CDC14A: variants seen among roughly 807,000 people sequenced by gnomAD.
The protein encoded by CDC14A is cell division cycle 14A.
CDC14A carries 53 observed loss-of-function variants against 74.4 expected under a neutral mutation model. That is an observed-to-expected ratio of 0.71 (90% CI 0.57 to 0.89). The LOEUF (loss-of-function observed/expected upper bound fraction) is 0.89. Among genes scored for constraint, CDC14A ranks in the 40% least tolerant of loss-of-function variants. CDC14A has a pLI of 0.00. For synonymous variants in CDC14A, 247 were observed against 258.4 expected (o/e 0.96, Z 0.43); for missense variants, 646 against 713.7 (o/e 0.91, Z 1.08).
chr1:100,372,244 G>C (rs144819390), intron 2 of CDC14A, among the ~76,000 whole-genome samples: 8 of 152,318 alleles, frequency 5.3e-5, no homozygotes, highest in Admixed American at 1.3e-4. Context: ...GACTGATCAG[G>C]GTGGTGGTTG....
chr1:100,353,498 C>A (rs1435569198), intron 1 of CDC14A, among the ~76,000 whole-genome samples: 1 of 152,182 alleles, frequency 6.6e-6, no homozygotes, highest in Non-Finnish European at 1.5e-5. Context: ...TCTGCGGGTA[C>A]CCCCAGCTCC....
intron 5 of CDC14A, among the ~76,000 whole-genome samples, chr1:100,426,216 G>A (rs1662941689): frequency 6.6e-6 from 1 of 152,128 alleles, no homozygotes; most frequent in African/African-American, 2.4e-5. Context: ...GGGTTCAAGA[G>A]AATCTCCTGC....
intron 5 of CDC14A, among the ~76,000 whole-genome samples, chr1:100,439,431 T>G (rs1412226576): frequency 2.0e-5 from 3 of 152,222 alleles, no homozygotes; most frequent in Non-Finnish European, 4.4e-5. Flanking sequence ...CCTCTTGCAA[T>G]GATGAATGTT....
chr1:100,411,106 A>T (rs1409041961), intron 4 of CDC14A, among the ~76,000 whole-genome samples: 1 of 152,078 alleles, frequency 6.6e-6, no homozygotes, highest in Non-Finnish European at 1.5e-5. Context: ...TCCACTCCCC[A>T]TCCTCACCAT....
chr1:100,436,042 G>T (rs1664293317), intron 5 of CDC14A, among the ~76,000 whole-genome samples: 1 of 152,084 alleles, frequency 6.6e-6, no homozygotes, highest in South Asian at 2.1e-4. Flanking sequence ...GGTGTTGTAT[G>T]GTGGTAAAAC....
chr1:100,467,465 T>C (rs1428655298), intron 9 of CDC14A, among the ~76,000 whole-genome samples: 9 of 152,142 alleles, frequency 5.9e-5, no homozygotes, highest in African/African-American at 2.2e-4. Flanking sequence ...TAACTAAATG[T>C]TTTCATGGAT....
rs372792159 is a variant in CDC14A, at chr1:100,506,982, C to T, written c.1755+7720C>T. Among the ~76,000 whole-genome samples the T allele has an allele frequency of 4.1e-4, 62 of 152,250 alleles. No individual in the cohort carries two copies. In the South Asian group the frequency reaches 0.013, roughly 32 times the overall value. ...CTTGAGGTCAGGAGTTTGAGACCAG[C>T]CTAGGCAATACAGAGAGAACCCGTA... On this transcript the variant is annotated intron_variant, in intron 15 of 15. Transcript: ENST00000336454.
chr1:100,468,171 CA>C, intron 10 of CDC14A, 77 bp downstream of exon 10: 2 of 1,522,812 alleles, frequency 1.3e-6, no homozygotes, highest in Non-Finnish European at 1.8e-6. Flanking sequence ...GGTTGTGGAC[CA>C]TGTCAGCCTG....
chr1:100,389,180 C>CAA (rs1196346245), intron 3 of CDC14A, among the ~76,000 whole-genome samples: 11 of 52,100 alleles, frequency 2.1e-4, no homozygotes, highest in Non-Finnish European at 3.7e-4. Flanking sequence ...GACCCTGTCT[C>CAA]AAAAAAAAAA....
At position 100,461,924 on chromosome 1, in the gene CDC14A, A is replaced by AT. The variant is rs368172629; in HGVS notation, c.608-721dup. ...TTACTTAAGTATTCACATATTTATCATTTTTTGTGGTGAGAAGACTTAAAT... is the reference window on the plus strand; with the variant it reads ...TTACTTAAGTATTCACATATTTATCATTTTTTTGTGGTGAGAAGACTTAAAT... On this transcript the variant is annotated intron_variant, in intron 8 of 15. Transcript: ENST00000336454. Among the ~76,000 whole-genome samples, 879 of 152,314 alleles carry AT rather than the reference A, an allele frequency of 5.8e-3. 10 individuals carry two copies. Among genetic ancestry groups the AT allele is most frequent in the African/African-American group, 0.02 (842 of 41,572 alleles).
At chr1:100,353,602 C>G (rs1202651691) in intron 1 of CDC14A, among the ~76,000 whole-genome samples, 160 bp from the exon 2 acceptor site, 1 of 152,192 alleles carries the variant, frequency 6.6e-6, no homozygotes, top group Non-Finnish European at 1.5e-5. Flanking sequence ...AACTGTTGTG[C>G]TCTTGAGTCT....
At chr1:100,470,591 T>A (rs1367907540) in intron 10 of CDC14A, among the ~76,000 whole-genome samples, 1 of 152,164 alleles carries the variant, frequency 6.6e-6, no homozygotes, top group Non-Finnish European at 1.5e-5. Context: ...AAAAGACTTG[T>A]ACACATATAT....
chr1:100,379,569 A>G (rs1201244569), intron 3 of CDC14A, among the ~76,000 whole-genome samples: 1 of 152,234 alleles, frequency 6.6e-6, no homozygotes, highest in Non-Finnish European at 1.5e-5. Context: ...GTTTTGTGGA[A>G]TCTTAGTTTC....
intron 4 of CDC14A, among the ~76,000 whole-genome samples, chr1:100,411,718 C>T (rs1660740287): frequency 6.6e-6 from 1 of 152,282 alleles, no homozygotes; most frequent in South Asian, 2.1e-4. Context: ...AACAAACAGT[C>T]ATTGAGCACC....
chr1:100,475,676 G>A (rs1178834880), intron 10 of CDC14A, among the ~76,000 whole-genome samples: 1 of 152,076 alleles, frequency 6.6e-6, no homozygotes, highest in Non-Finnish European at 1.5e-5. Flanking sequence ...GGGTGGAGGT[G>A]GGAGTTCTAG....
intron 4 of CDC14A, among the ~76,000 whole-genome samples, chr1:100,411,690 T>C (rs1660736879): frequency 6.6e-6 from 1 of 152,240 alleles, no homozygotes; most frequent in Non-Finnish European, 1.5e-5. Flanking sequence ...TGTGATTCAT[T>C]TGTTCATTCT....
chr1:100,468,942 AGAGACGGGGGCCTCACT>A, intron 10 of CDC14A, among the ~76,000 whole-genome samples: 2 of 150,964 alleles, frequency 1.3e-5, no homozygotes, highest in Non-Finnish European at 3.0e-5. Flanking sequence ...TATTTTTTGT[AGAGACGGGGGCCTCACT>A]ATGTTGCCCA....
chr1:100,351,255 G>A (rs1650955628), upstream of CDC14A, among the ~76,000 whole-genome samples: 1 of 151,746 alleles, frequency 6.6e-6, no homozygotes, highest in African/African-American at 2.4e-5. Flanking sequence ...GCCCTCGAAG[G>A]GCTGGTTCCC....
Position 100,484,323 on chromosome 1 carries a change from AT to A in CDC14A, c.1013del (p.Phe338SerfsTer5). On this transcript the variant is annotated frameshift_variant, in exon 11 of 16. Transcript: ENST00000336454. LOFTEE classifies it high-confidence loss of function. ...KQASLWVQGD[I>X]FRSKLKNRPS... Reference sequence around the variant, plus strand: ...AGCATCGTTGTGGGTCCAAGGAGACATTTTCCGATCCAAACTGAAAAATCGA... The same window carrying A: ...AGCATCGTTGTGGGTCCAAGGAGACATTTCCGATCCAAACTGAAAAATCGA... 1 of 1,598,670 alleles carries A rather than the reference AT, an allele frequency of 6.3e-7. No homozygotes were observed. The highest frequency in any genetic ancestry group is 2.3e-5 in the East Asian group (1 of 44,026).
Sources: allele counts gnomAD v4.1 joint callset (sites outside exome capture counted in the v4.1 genomes callset), GRCh38; gene constraint gnomAD v4.1.1; transcripts MANE v1.5; gene names NCBI Gene and HGNC (gene_info 2026-07-23, HGNC 2026-07-21).